CSMD1: variants seen among roughly 807,000 people sequenced by gnomAD.
CSMD1 encodes CUB and sushi domain-containing protein 1.
A neutral mutation model predicts 417.5 loss-of-function variants in CSMD1; 213 were observed. That is an observed-to-expected ratio of 0.51 (90% CI 0.46 to 0.57). CSMD1 has a LOEUF of 0.57. Ranked by LOEUF, CSMD1 falls within the 20% of genes least tolerant of loss-of-function variation. CSMD1 has a pLI of 0.00. For synonymous variants in CSMD1, 2,862 were observed against 1,736.8 expected (o/e 1.65, Z -16.11); for missense variants, 6,923 against 4,529.7 (o/e 1.53, Z -15.17).
chr8:3,988,068 CAT>C (rs1468796620), intron 5 of CSMD1, among the ~76,000 whole-genome samples: 1 of 152,200 alleles, frequency 6.6e-6, no homozygotes, highest in Non-Finnish European at 1.5e-5. Flanking sequence ...TGCCTAAAAA[CAT>C]AGGGAAGCTG....
chr8:4,035,788 A>G (rs1797584879), intron 3 of CSMD1, among the ~76,000 whole-genome samples: 1 of 152,200 alleles, frequency 6.6e-6, no homozygotes, highest in Non-Finnish European at 1.5e-5. Flanking sequence ...TTAATTTATG[A>G]TTAAAAAAGA....
At chr8:4,905,038 C>T (rs536241347) in intron 1 of CSMD1, among the ~76,000 whole-genome samples, 32 of 152,266 alleles carry the variant, frequency 2.1e-4, no homozygotes, top group African/African-American at 7.7e-4. Flanking sequence ...TTAAAAATAG[C>T]TGGGACCTTC....
At chr8:4,192,117 C>T (rs866603486) in intron 3 of CSMD1, among the ~76,000 whole-genome samples, 1 of 152,116 alleles carries the variant, frequency 6.6e-6, no homozygotes, top group Admixed American at 6.5e-5. Context: ...GAAGGATCAT[C>T]TGCATTGCAA....
At chr8:4,800,104 G>C (rs886246795) in intron 1 of CSMD1, among the ~76,000 whole-genome samples, 2 of 152,034 alleles carry the variant, frequency 1.3e-5, no homozygotes, top group African/African-American at 4.8e-5. Flanking sequence ...TTTATATAAA[G>C]CGTATCCTTT....
intron 1 of CSMD1, among the ~76,000 whole-genome samples, chr8:4,947,940 G>A (rs138484934): frequency 4.7e-4 from 72 of 151,990 alleles, no homozygotes; most frequent in Middle Eastern, 3.4e-3. Flanking sequence ...TGCTTTGTGC[G>A]TTTATTCCTA....
In CSMD1 at chr8:4,285,203, A is replaced by G. The variant is rs149354557; in HGVS notation, c.415+134750T>C. The stretch of plus-strand genomic sequence containing the variant: ...GTTTTTGTATGTCAAGGAGTGTGTT[A>G]AAATTCAAACTGCTTGTATACAATC... On this transcript the variant is annotated intron_variant, in intron 3 of 69. Transcript: ENST00000635120. 6.1e-3 allele frequency among the ~76,000 whole-genome samples: 934 copies of G among 152,346 alleles called. 8 individuals are homozygous for G. The highest frequency in any genetic ancestry group is 0.019 in the African/African-American group (806 of 41,582).
At chr8:4,174,459 A>G (rs1199461057) in intron 3 of CSMD1, among the ~76,000 whole-genome samples, 3 of 151,814 alleles carry the variant, frequency 2.0e-5, no homozygotes, top group Non-Finnish European at 4.4e-5. Flanking sequence ...TCTATTGTTT[A>G]AATAATAGGT....
chr8:3,905,008 T>C (rs895312657), intron 5 of CSMD1, among the ~76,000 whole-genome samples: 9 of 152,124 alleles, frequency 5.9e-5, no homozygotes, highest in African/African-American at 2.2e-4. Flanking sequence ...AAATATAGAA[T>C]ACTCTTCAGC....
At chr8:4,467,668 C>G (rs1459950266) in intron 2 of CSMD1, among the ~76,000 whole-genome samples, 2 of 152,112 alleles carry the variant, frequency 1.3e-5, no homozygotes. Flanking sequence ...CCACATGAAC[C>G]AAATCAAGGT....
intron 52 of CSMD1, among the ~76,000 whole-genome samples, chr8:3,015,423 G>T (rs1221189738): frequency 6.6e-6 from 1 of 151,500 alleles, no homozygotes; most frequent in Non-Finnish European, 1.5e-5. Context: ...TTTGGGGGTT[G>T]TTTTGTTTTG....
intron 3 of CSMD1, among the ~76,000 whole-genome samples, chr8:4,382,717 G>C (rs1803183176): frequency 6.6e-6 from 1 of 150,398 alleles, no homozygotes; most frequent in South Asian, 2.2e-4. Flanking sequence ...TGGCTTCTTT[G>C]TTTTTAACGC....
intron 1 of CSMD1, among the ~76,000 whole-genome samples, chr8:4,770,490 A>G (rs55936283): frequency 6.6e-6 from 1 of 151,010 alleles, no homozygotes; most frequent in Admixed American, 6.6e-5. Context: ...GAACCCTAAA[A>G]GACCTCAAAT....
chr8:3,887,170 A>C (rs574281940), intron 5 of CSMD1, among the ~76,000 whole-genome samples: 1 of 152,256 alleles, frequency 6.6e-6, no homozygotes, highest in South Asian at 2.1e-4. Flanking sequence ...AGGGTATTCC[A>C]GCTGCTGAAG....
chr8:3,850,668 C>A (rs1372564402), intron 5 of CSMD1, among the ~76,000 whole-genome samples: 1 of 151,998 alleles, frequency 6.6e-6, no homozygotes, highest in Non-Finnish European at 1.5e-5. Flanking sequence ...GCACTCCAGC[C>A]TGGGTGACAG....
In CSMD1 at chr8:3,284,300, T is replaced by G. The variant is rs1338993199; in HGVS notation, c.3997A>C (p.Lys1333Gln). 6.2e-7 allele frequency: 1 copy of G among 1,613,910 alleles called. No homozygotes were observed. Among genetic ancestry groups the G allele is most frequent in the Admixed American group, 1.7e-5 (1 of 60,010 alleles). ...CTGTCCACCGGCCCGTCCCAGACCT[T>G]GAGGATGTCGTGAGCCATCTCCGTG... ...FDTEMAHDIL[K>Q]VWDGPVDSDI... The change falls in exon 26 of 70, where the codon AAG becomes CAG. Residue 1333 changes from lysine to glutamine, a missense_variant. Transcript: ENST00000635120.
chr8:3,927,981 T>C (rs896644590), intron 5 of CSMD1, among the ~76,000 whole-genome samples: 2 of 152,168 alleles, frequency 1.3e-5, no homozygotes, highest in African/African-American at 4.8e-5. Flanking sequence ...AATTTTTATA[T>C]TGAAGAATAT....
At chr8:4,359,038 G>A (rs575011623) in intron 3 of CSMD1, among the ~76,000 whole-genome samples, 347 of 152,016 alleles carry the variant, frequency 2.3e-3, no homozygotes, top group Admixed American at 6.6e-3. Flanking sequence ...TATATATGTG[G>A]CAAAATCAAT....
intron 8 of CSMD1, among the ~76,000 whole-genome samples, chr8:3,611,931 A>T (rs1801912956): frequency 6.6e-6 from 1 of 152,134 alleles, no homozygotes; most frequent in Non-Finnish European, 1.5e-5. Context: ...TTGCATCTAA[A>T]ATTTAAGATG....
chr8:3,088,585 C>T (rs1337942879), intron 48 of CSMD1, among the ~76,000 whole-genome samples: 1 of 152,004 alleles, frequency 6.6e-6, no homozygotes, highest in Non-Finnish European at 1.5e-5. Flanking sequence ...CGAGAAGTGT[C>T]CTCAGAAAAT....
Sources: allele counts gnomAD v4.1 joint callset (sites outside exome capture counted in the v4.1 genomes callset), GRCh38; gene constraint gnomAD v4.1.1; transcripts MANE v1.5; gene names NCBI Gene and HGNC (gene_info 2026-07-23, HGNC 2026-07-21).